Variants in MACROD2 observed in about 807,000 individuals in gnomAD.
The protein encoded by MACROD2 is ADP-ribose glycohydrolase MACROD2.
MACROD2 carries 36 observed loss-of-function variants against 70.4 expected under a neutral mutation model. That is an observed-to-expected ratio of 0.51 (90% CI 0.39 to 0.68). The LOEUF is 0.68. MACROD2 is among the 30% of genes least tolerant of loss of function. The pLI is 0.00. For synonymous variants in MACROD2, 172 were observed against 178.8 expected (o/e 0.96, Z 0.30); for missense variants, 496 against 538.4 (o/e 0.92, Z 0.78).
intron 12 of MACROD2, among the ~76,000 whole-genome samples, chr20:15,946,849 T>C (rs1014036962): frequency 6.6e-6 from 1 of 152,168 alleles, no homozygotes; most frequent in Admixed American, 6.5e-5. Context: ...ATTTATTAAT[T>C]ACTATTTCCA....
intron 4 of MACROD2, among the ~76,000 whole-genome samples, chr20:14,516,986 G>T (rs1372236418): frequency 3.3e-5 from 5 of 152,074 alleles, no homozygotes; most frequent in African/African-American, 1.2e-4. Flanking sequence ...AATCACAGTG[G>T]GATACCATCT....
intron 3 of MACROD2, among the ~76,000 whole-genome samples, chr20:14,187,154 AAAAG>A (rs1280026957): frequency 1.7e-4 from 26 of 152,090 alleles, no homozygotes; most frequent in Non-Finnish European, 3.4e-4. Context: ...AAAAAAAAAA[AAAAG>A]AAATGTGGTA....
chr20:15,557,457 A>G (rs1020147211), intron 8 of MACROD2, among the ~76,000 whole-genome samples: 4 of 152,202 alleles, frequency 2.6e-5, no homozygotes, highest in African/African-American at 7.2e-5. Context: ...AACAGCAAAC[A>G]CACACACCAA....
At chr20:14,285,528 G>A (rs561122662) in intron 3 of MACROD2, among the ~76,000 whole-genome samples, 1 of 151,882 alleles carries the variant, frequency 6.6e-6, no homozygotes, top group South Asian at 2.1e-4. Flanking sequence ...GAGTTAATAA[G>A]TCTCCTCTAT....
chr20:14,431,656 G>A (rs2083996031), intron 3 of MACROD2, among the ~76,000 whole-genome samples: 1 of 152,020 alleles, frequency 6.6e-6, no homozygotes, highest in Non-Finnish European at 1.5e-5. Flanking sequence ...AGTTCTACCA[G>A]GTCCAAACAA....
chr20:15,488,870 C>T (rs1172548868), intron 7 of MACROD2, among the ~76,000 whole-genome samples: 1 of 152,114 alleles, frequency 6.6e-6, no homozygotes, highest in Non-Finnish European at 1.5e-5. Context: ...AAGACTTATC[C>T]AGGGGTAGCA....
intron 4 of MACROD2, among the ~76,000 whole-genome samples, chr20:14,494,943 T>C (rs1422294182): frequency 3.3e-5 from 5 of 152,108 alleles, no homozygotes; most frequent in Non-Finnish European, 7.4e-5. Context: ...TATATTAGTA[T>C]TTTAAGAAAC....
At chr20:14,707,156 T>G (rs2071279268) in intron 5 of MACROD2, among the ~76,000 whole-genome samples, 1 of 152,142 alleles carries the variant, frequency 6.6e-6, no homozygotes, top group Non-Finnish European at 1.5e-5. Context: ...GTAATTCCAG[T>G]CATCTCCTAA....
intron 3 of MACROD2, among the ~76,000 whole-genome samples, chr20:14,391,881 A>G (rs1171042636): frequency 6.7e-6 from 1 of 149,566 alleles, no homozygotes; most frequent in Non-Finnish European, 1.5e-5. Flanking sequence ...TATGTTCACT[A>G]ACTGGATGAT....
chr20:14,588,759 G>A (rs1211943795), intron 4 of MACROD2, among the ~76,000 whole-genome samples: 1 of 152,114 alleles, frequency 6.6e-6, no homozygotes, highest in African/African-American at 2.4e-5. Flanking sequence ...ACCACTCCTG[G>A]CCAAGGCTAT....
chr20:15,477,988 G>A (rs920827912), intron 7 of MACROD2, among the ~76,000 whole-genome samples: 5 of 152,228 alleles, frequency 3.3e-5, no homozygotes, highest in African/African-American at 7.2e-5. Flanking sequence ...GCCTCTGAAA[G>A]CTGGAGAACA....
intron 3 of MACROD2, among the ~76,000 whole-genome samples, chr20:14,448,454 A>C (rs941425647): frequency 6.6e-6 from 1 of 151,968 alleles, no homozygotes; most frequent in Non-Finnish European, 1.5e-5. Flanking sequence ...AGGTGGGCAG[A>C]TCACTTGAGG....
intron 4 of MACROD2, among the ~76,000 whole-genome samples, chr20:14,565,905 G>T (rs1042451341): frequency 6.6e-6 from 1 of 151,784 alleles, no homozygotes; most frequent in Non-Finnish European, 1.5e-5. Flanking sequence ...AAGACCTAGA[G>T]GTTGAGACAG....
chr20:14,716,712 A>G (rs995655910), intron 5 of MACROD2, among the ~76,000 whole-genome samples: 7 of 152,140 alleles, frequency 4.6e-5, no homozygotes, highest in Admixed American at 3.9e-4. Context: ...AGATGGCTTA[A>G]CACGTGAAGT....
At chr20:14,274,490 G>A (rs2082231057) in intron 3 of MACROD2, among the ~76,000 whole-genome samples, 1 of 152,168 alleles carries the variant, frequency 6.6e-6, no homozygotes, top group African/African-American at 2.4e-5. Context: ...TTGATGGGAT[G>A]TATCTCAAAA....
chr20:14,349,070 A>G (rs2083093272), intron 3 of MACROD2, among the ~76,000 whole-genome samples: 4 of 152,136 alleles, frequency 2.6e-5, no homozygotes, highest in Non-Finnish European at 5.9e-5. Context: ...CCTGTCTCTA[A>G]ATAAATAAAC....
At chr20:15,082,523 G>GTTTTTTTTT (rs753606217) in intron 5 of MACROD2, among the ~76,000 whole-genome samples, 2 of 101,744 alleles carry the variant, frequency 2.0e-5, no homozygotes, top group African/African-American at 4.0e-5. Flanking sequence ...ACTGCAAGAG[G>GTTTTTTTTT]TTTTTTTTTT....
chr20:15,232,546 T>C (rs2076967960), intron 6 of MACROD2, among the ~76,000 whole-genome samples: 2 of 152,082 alleles, frequency 1.3e-5, no homozygotes, highest in Non-Finnish European at 2.9e-5. Flanking sequence ...GCTGTTGTTA[T>C]AGGGATCAGT....
chr20:15,417,667 A>T (rs1414208248), intron 6 of MACROD2, among the ~76,000 whole-genome samples: 1 of 151,312 alleles, frequency 6.6e-6, no homozygotes, highest in Non-Finnish European at 1.5e-5. Context: ...CCTGGGAGCC[A>T]GCAACAGCAA....
Sources: gnomAD v4.1 joint callset for allele counts (sites outside exome capture counted in the v4.1 genomes callset) on GRCh38, gnomAD v4.1.1 for gene constraint, MANE v1.5 for transcripts, NCBI Gene and HGNC (gene_info 2026-07-23, HGNC 2026-07-21) for gene names.